The following PTPRM variants were observed in gnomAD, a reference collection of about 807,000 sequenced individuals.
The protein encoded by PTPRM is protein tyrosine phosphatase receptor type M, also known as receptor-type tyrosine-protein phosphatase mu.
A neutral mutation model predicts 186.7 loss-of-function variants in PTPRM; 47 were observed. The observed-to-expected ratio is 0.25, with a 90% CI of 0.20 to 0.32. The LOEUF (loss-of-function observed/expected upper bound fraction) is 0.32, where lower values mean the gene tolerates loss of function less well. PTPRM is among the 10% of genes least tolerant of loss of function. The pLI is 1.00. For missense variants in PTPRM, 1,494 were observed against 1,865.0 expected, an observed-to-expected ratio of 0.80 and a Z score of 3.66; for synonymous variants, 668 against 674.9, an observed-to-expected ratio of 0.99 and a Z score of 0.16.
At chr18:7,815,491 TTTCCTC>T (rs1257235636) in intron 2 of PTPRM, 4 of 152,154 alleles carry the variant, frequency 2.6e-5, no homozygotes, top group African/African-American at 9.7e-5. Context: ...ATAGTATATT[TTTCCTC>T]ATAGAGATGT....
chr18:7,919,975 C>A (rs574729488), intron 4 of PTPRM, among the ~76,000 whole-genome samples: 2 of 152,048 alleles, frequency 1.3e-5, no homozygotes, highest in Non-Finnish European at 2.9e-5. Flanking sequence ...GATTTGCACC[C>A]TATTTTATCT....
intron 19 of PTPRM, among the ~76,000 whole-genome samples, chr18:8,269,015 C>A (rs1377320648): frequency 1.3e-5 from 2 of 151,866 alleles, no homozygotes; most frequent in African/African-American, 4.8e-5. Flanking sequence ...GACAAAGGTG[C>A]CCACTCTCAC....
intron 7 of PTPRM, among the ~76,000 whole-genome samples, chr18:7,991,487 T>C (rs1439461357): frequency 6.6e-6 from 1 of 152,148 alleles, no homozygotes; most frequent in African/African-American, 2.4e-5. Flanking sequence ...TCAGAAGTAG[T>C]AAAGTAAAAC....
chr18:7,623,079 G>A (rs2037978801), intron 1 of PTPRM, among the ~76,000 whole-genome samples: 1 of 152,048 alleles, frequency 6.6e-6, no homozygotes, highest in Non-Finnish European at 1.5e-5. Flanking sequence ...TTCTCAGCAT[G>A]TTAAACTTGC....
intron 7 of PTPRM, among the ~76,000 whole-genome samples, chr18:8,064,337 T>G (rs560834627): frequency 6.6e-6 from 1 of 152,112 alleles, no homozygotes; most frequent in Non-Finnish European, 1.5e-5. Flanking sequence ...TGTGTAGACT[T>G]TGGCATTGTT....
intron 2 of PTPRM, among the ~76,000 whole-genome samples, chr18:7,852,684 C>T (rs2046922313): frequency 6.7e-6 from 1 of 149,978 alleles, no homozygotes; most frequent in Admixed American, 6.6e-5. Flanking sequence ...GACTCCCTCT[C>T]AAAAATAAAA....
intron 7 of PTPRM, among the ~76,000 whole-genome samples, chr18:8,007,161 G>T (rs2084239278): frequency 6.6e-6 from 1 of 152,186 alleles, no homozygotes; most frequent in South Asian, 2.1e-4. Flanking sequence ...AGTGCCAGTG[G>T]TTTTTATGAT....
At chr18:7,715,300 T>G (rs1024384401) in intron 1 of PTPRM, among the ~76,000 whole-genome samples, 2 of 152,146 alleles carry the variant, frequency 1.3e-5, no homozygotes, top group African/African-American at 4.8e-5. Flanking sequence ...TTGACAAAAT[T>G]CAACACCTCT....
intron 2 of PTPRM, among the ~76,000 whole-genome samples, chr18:7,826,396 C>A (rs1346942780): frequency 6.6e-6 from 1 of 152,188 alleles, no homozygotes; most frequent in Non-Finnish European, 1.5e-5. Context: ...ACTGGCACTG[C>A]CACTCAAACA....
At chr18:7,768,886 TCTGC>T (rs574823328) in intron 1 of PTPRM, among the ~76,000 whole-genome samples, 76 of 152,186 alleles carry the variant, frequency 5.0e-4, no homozygotes, top group African/African-American at 1.8e-3. Flanking sequence ...TCTCAGGTGA[TCTGC>T]CCGCCCCAGC....
chr18:8,115,349 G>A (rs566218674), intron 13 of PTPRM, among the ~76,000 whole-genome samples: 1 of 152,088 alleles, frequency 6.6e-6, no homozygotes, highest in East Asian at 1.9e-4. Context: ...CCCAAGCCTG[G>A]TTAAAACTCT....
At position 8,307,061 on chromosome 18, in the gene PTPRM, A is replaced by G. The variant is rs186016104; in HGVS notation, c.2843-7720A>G. ...TATCTGTTGTTTTCATAGTCATCTG[A>G]GAGCTTTGTTTGAGAGAGGACGCGT... On this transcript the variant is annotated intron_variant, in intron 20 of 32. Coordinates refer to ENST00000580170, the MANE Select transcript of PTPRM (RefSeq NM_001105244.2). Among the ~76,000 whole-genome samples the G allele has an allele frequency of 7.9e-5, 12 of 152,300 alleles. No individual in the cohort carries two copies. In the East Asian group the frequency reaches 2.3e-3, roughly 29 times the overall value.
At chr18:7,855,290 G>T (rs2047042554) in intron 2 of PTPRM, among the ~76,000 whole-genome samples, 1 of 152,160 alleles carries the variant, frequency 6.6e-6, no homozygotes, top group Admixed American at 6.5e-5. Flanking sequence ...TAGTGATTAA[G>T]GAGACATGGT....
At chr18:7,867,352 T>A (rs1453323636) in intron 2 of PTPRM, among the ~76,000 whole-genome samples, 4 of 152,220 alleles carry the variant, frequency 2.6e-5, no homozygotes, top group African/African-American at 9.6e-5. Flanking sequence ...TTCCTTTCCA[T>A]GTTTAGTGCT....
chr18:7,755,932 A>G (rs1876114670), intron 1 of PTPRM, among the ~76,000 whole-genome samples: 2 of 152,158 alleles, frequency 1.3e-5, no homozygotes, highest in African/African-American at 4.8e-5. Flanking sequence ...TAAGTTGCAC[A>G]ACTTTGTTCC....
chr18:8,080,783 C>T (rs550431144), intron 9 of PTPRM, among the ~76,000 whole-genome samples: 1 of 152,270 alleles, frequency 6.6e-6, no homozygotes, highest in South Asian at 2.1e-4. Context: ...CCATCTCCTA[C>T]TATTTTTCTT....
At chr18:8,231,831 C>A (rs543453145) in intron 14 of PTPRM, among the ~76,000 whole-genome samples, 2 of 152,194 alleles carry the variant, frequency 1.3e-5, no homozygotes, top group South Asian at 2.1e-4. Flanking sequence ...GCAGAAAATA[C>A]GGAGTTCCCA....
rs1424580779 is a variant in PTPRM, at chr18:8,240,479, G to GA, written c.2301-3579_2301-3578insA. The stretch of plus-strand genomic sequence containing the variant: ...AGAGAGAGAGAGGGAGGGAGGGAGG[G>GA]GAGGAGAGAGAGAGAGAGAGAGGAA... On this transcript the variant is annotated intron_variant, in intron 14 of 32. Transcript: ENST00000580170. Among the ~76,000 whole-genome samples, 58 of 46,310 alleles carry GA rather than the reference G, an allele frequency of 1.3e-3. 4 individuals are homozygous for GA. The highest frequency in any genetic ancestry group is 6.7e-3 in the East Asian group (18 of 2,678). 30.4% of individuals were successfully genotyped at this position (46,310 alleles called of 152,430 possible).
At chr18:8,125,976 C>CATATATATATAT (rs1178603481) in intron 13 of PTPRM, among the ~76,000 whole-genome samples, 6 of 59,726 alleles carry the variant, frequency 1.0e-4, no homozygotes, top group African/African-American at 2.2e-4. Context: ...TGTGTGTATA[C>CATATATATATAT]ATATATATAT....
Sources: allele counts gnomAD v4.1 joint callset (sites outside exome capture counted in the v4.1 genomes callset), GRCh38; gene constraint gnomAD v4.1.1; transcripts MANE v1.5; gene names NCBI Gene and HGNC (gene_info 2026-07-23, HGNC 2026-07-21).